ATP4A: variants seen among roughly 807,000 people sequenced by gnomAD.
The protein encoded by ATP4A is potassium-transporting ATPase alpha chain 1.
Under a neutral mutation model 112.1 loss-of-function variants are expected in ATP4A, and 73 were observed. The observed-to-expected ratio is 0.65, with a 90% confidence interval of 0.54 to 0.79. The LOEUF (loss-of-function observed/expected upper bound fraction) is 0.79. Ranked by LOEUF, ATP4A falls within the 30% of genes least tolerant of loss-of-function variation. ATP4A has a pLI of 0.00. For missense variants in ATP4A, 1,081 were observed against 1,425.9 expected, an observed-to-expected ratio of 0.76 and a Z score of 3.90; for synonymous variants, 588 against 588.9, an observed-to-expected ratio of 1.00 and a Z score of 0.02.
Position 35,558,212 on chromosome 19 carries a change from G to T in ATP4A, c.1500+150C>A. ...GCGGGGCCTTGCCTCTGGTGGACGG[G>T]GCCATAGGCGGAGCGGGAGATGGGG... On this transcript the variant is annotated intron_variant, in intron 10 of 21. Transcript: ENST00000262623. This position sits in a 1 kb window ranked among gnomAD's most constrained non-coding sequence, Gnocchi z 5.1. 9.3e-7 allele frequency: 1 copy of T among 1,074,972 alleles called. No homozygotes were observed. The highest frequency in any genetic ancestry group is 1.3e-6 in the Non-Finnish European group (1 of 768,294). The allele number at this position is 1,074,972 out of a possible 1,614,324, so 66.6% of individuals were successfully genotyped here. A position where few individuals can be genotyped will look rare whatever the true frequency, so the allele number is the denominator to read the frequency against.
Position 35,552,265 on chromosome 19 carries a change from G to A in ATP4A, c.2752-685C>T, listed in dbSNP as rs535309106. ...GGGATCACTGACTGCTCCAGGTGCCGAGTGTTGCACGTGCATTAGCTCATT... is the reference window on the plus strand; with the variant it reads ...GGGATCACTGACTGCTCCAGGTGCCAAGTGTTGCACGTGCATTAGCTCATT... On this transcript the variant is annotated intron_variant, in intron 18 of 21. Coordinates refer to ENST00000262623, the MANE Select transcript of ATP4A (RefSeq NM_000704.3). Among the ~76,000 whole-genome samples the A allele has an allele frequency of 3.5e-4, 53 of 152,276 alleles. 1 individual carries two copies. The South Asian group carries it at 9.7e-3, about 28-fold the overall frequency.
In ATP4A at chr19:35,562,432, C is replaced by T; in HGVS notation, c.420+3G>A. The stretch of plus-strand genomic sequence containing the variant: ...CTGAGCCTGTCCCCACAACATGGCT[C>T]ACATTGTCGTCGGTGGTGAGGTCCC... On this transcript the variant is annotated splice_donor_region_variant and intron_variant, in intron 4 of 21. Coordinates refer to ENST00000262623, the MANE Select transcript of ATP4A (RefSeq NM_000704.3). 3.7e-6 allele frequency: 6 copies of T among 1,613,008 alleles called. No homozygotes were observed. Among genetic ancestry groups the T allele is most frequent in the Non-Finnish European group, 5.1e-6 (6 of 1,179,412 alleles).
chr19:35,560,438 G>A lies in ATP4A; in HGVS notation c.712C>T (p.Arg238Cys), dbSNP rs764300130. The part of the protein sequence containing the change: ...SLTGESEPQT[R>C]SPECTHESPL... ...CTCTCGTGCGTGCACTCGGGTGAGCGGGTCTGTGGCTCAGACTCCCCTGTC... is the reference window on the plus strand; with the variant it reads ...CTCTCGTGCGTGCACTCGGGTGAGCAGGTCTGTGGCTCAGACTCCCCTGTC... The change falls in exon 6 of 22, where the codon CGC becomes TGC. Residue 238 changes from arginine to cysteine, a missense_variant. Arg to Cys is a radical substitution (Grantham distance 180). Coordinates refer to ENST00000262623, the MANE Select transcript of ATP4A (RefSeq NM_000704.3). This position sits in a 1 kb window ranked among gnomAD's most constrained non-coding sequence, Gnocchi z 5.1. 1.3e-5 allele frequency: 21 copies of A among 1,613,814 alleles called. No individual in the cohort carries two copies. The East Asian group carries it at 2.0e-4, about 15-fold the overall frequency.
Position 35,551,600 on chromosome 19 carries a change from G to A in ATP4A, c.2752-20C>T, listed in dbSNP as rs199506169. 1.7e-5 allele frequency: 27 copies of A among 1,607,442 alleles called. No homozygotes were observed. In the East Asian group the frequency reaches 2.9e-4, roughly 17 times the overall value. ...GAATGTCTGCAGGCCAGGGGCAAAC[G>A]GAAACAGCCTGAGTCCAGCCTGAGT... is the stretch of plus-strand genomic sequence containing the variant. On this transcript the variant is annotated intron_variant, in intron 18 of 21. Transcript: ENST00000262623. This position sits in a 1 kb window ranked among gnomAD's most constrained non-coding sequence, Gnocchi z 5.2.
rs755344734 is a variant in ATP4A at position 35,563,451 on chromosome 19, T to C, written c.89A>G (p.Lys30Arg). ...CTTGCCACCCCCGCCACCCGCCTTC[T>C]TCTTCTTGCTCATCTTGGCAGCCAT... ...GDMAAKMSKK[K>R]KAGGGGGKRK... The change falls in exon 2 of 22, where the codon AAG (lysine) becomes AGG (arginine). Residue 30 changes from lysine to arginine, a missense_variant. Physicochemically the swap from Lys to Arg is conservative, Grantham distance 26. This residue lies in a region of ATP4A where 850 missense variants were observed against 1,068.2 expected (regional missense o/e 0.80). Coordinates refer to ENST00000262623, the MANE Select transcript of ATP4A (RefSeq NM_000704.3). 2.5e-6 allele frequency: 4 copies of C among 1,612,684 alleles called. 1 individual carries two copies. In the Admixed American group the frequency reaches 6.7e-5, roughly 27 times the overall value.
chr19:35,554,765 C>T (rs1372011544), intron 16 of ATP4A, among the ~76,000 whole-genome samples, 157 bp downstream of exon 16: 1 of 152,170 alleles, frequency 6.6e-6, no homozygotes, highest in Non-Finnish European at 1.5e-5. Flanking sequence ...CACCTGCCTG[C>T]CACCCATGTG....
Position 35,550,650 on chromosome 19 carries a change from G to A in ATP4A, c.3080-7C>T. On this transcript the variant is annotated splice_polypyrimidine_tract_variant and splice_region_variant and intron_variant, in intron 21 of 21. Coordinates refer to ENST00000262623, the MANE Select transcript of ATP4A (RefSeq NM_000704.3). This position sits in a 1 kb window ranked among gnomAD's most constrained non-coding sequence, Gnocchi z 4.1. ...AGTTCCTGGTCCCACCAGCCTGGGA[G>A]AGAGAGGGAGAAAGGAGACTCAGTG... 6.2e-7 allele frequency: 1 copy of A among 1,613,890 alleles called. No homozygotes were observed. Among genetic ancestry groups the A allele is most frequent in the Non-Finnish European group, 8.5e-7 (1 of 1,179,858 alleles).
Position 35,553,132 on chromosome 19 carries a change from G to A in ATP4A, c.2656C>T (p.Gln886Ter). The A allele has an allele frequency of 6.2e-7, 1 of 1,609,772 alleles. No homozygotes were observed. The highest frequency in any genetic ancestry group is 1.1e-5 in the South Asian group (1 of 90,912). The change falls in exon 18 of 22, where the codon CAG becomes TAG. Residue 886 changes from glutamine to a stop codon, truncating the protein, a stop_gained. Transcript: ENST00000262623. LOFTEE classifies it high-confidence loss of function. ...CACAGCAGTGGGAACCAGCCCTCCT[G>A]GGCCATTGCCGTGAAGTAGTCAGTG... is the stretch of plus-strand genomic sequence containing the variant. ...GFTDYFTAMA[Q>*]EGWFPLLCVG...
At position 35,551,635 on chromosome 19, in the gene ATP4A, G is replaced by A; in HGVS notation, c.2752-55C>T. 6.3e-7 allele frequency: 1 copy of A among 1,578,900 alleles called. No homozygotes were observed. The stretch of plus-strand genomic sequence containing the variant: ...TGAGTCCAGCCTGAGTCCCGGCGGA[G>A]AGCCTCTGCAGCCCACCGGGCATAG... On this transcript the variant is annotated intron_variant, in intron 18 of 21. Coordinates refer to ENST00000262623, the MANE Select transcript of ATP4A (RefSeq NM_000704.3). This position sits in a 1 kb window ranked among gnomAD's most constrained non-coding sequence, Gnocchi z 5.2.
Position 35,560,387 on chromosome 19 carries a change from A to C in ATP4A, c.763T>G (p.Phe255Val). 2 of 1,613,954 alleles carry C rather than the reference A, an allele frequency of 1.2e-6. No homozygotes were observed. Among genetic ancestry groups the C allele is most frequent in the Non-Finnish European group, 1.7e-6 (2 of 1,180,002 alleles). Residue 255 changes from phenylalanine to valine, a missense_variant, in exon 6 of 22, where the codon TTC becomes GTC. This residue lies in a region of ATP4A where 850 missense variants were observed against 1,068.2 expected (regional missense o/e 0.80). Transcript: ENST00000262623. The surrounding 1 kb of genome is among the most constrained non-coding windows in gnomAD (Gnocchi z 5.1). Reference sequence around the variant, plus strand: ...CCCTCAAGGCACATGGTGGAGAAGAAGGCGATGTTGCGGGTCTCCAGAGGG... The same window carrying C: ...CCCTCAAGGCACATGGTGGAGAAGACGGCGATGTTGCGGGTCTCCAGAGGG... Reference protein sequence around the residue: ...ESPLETRNIAFFSTMCLEGTV... With the variant: ...ESPLETRNIAVFSTMCLEGTV...
At position 35,557,211 on chromosome 19, in the gene ATP4A, G is replaced by A; in HGVS notation, c.1694-123C>T. 1 of 1,104,812 alleles carries A rather than the reference G, an allele frequency of 9.1e-7. No homozygotes were observed. The highest frequency in any genetic ancestry group is 1.3e-6 in the Non-Finnish European group (1 of 768,936). 68.4% of individuals were successfully genotyped at this position (1,104,812 alleles called of 1,614,324 possible). A position where few individuals can be genotyped will look rare whatever the true frequency, so the allele number is the denominator to read the frequency against. On this transcript the variant is annotated intron_variant, in intron 11 of 21. Transcript: ENST00000262623. The surrounding 1 kb of genome is among the most constrained non-coding windows in gnomAD (Gnocchi z 4.4). ...ACCTATGGATGCCTGACCTTGTGCT[G>A]ACCCCTTCACTCACATTATCTGAAT...
rs2071596702 is a variant in ATP4A, at chr19:35,550,758, G to A, written c.3079+76C>T. On this transcript the variant is annotated intron_variant, in intron 21 of 21. Transcript: ENST00000262623. The surrounding 1 kb of genome is among the most constrained non-coding windows in gnomAD (Gnocchi z 4.1). ...AGGGTCAAGGGCTTAGAGGCCAAGT[G>A]TTGAGGATCAAAGGTGGGTGCAGCT... 1.2e-6 allele frequency: 2 copies of A among 1,608,084 alleles called. No individual in the cohort carries two copies. The highest frequency in any genetic ancestry group is 1.7e-6 in the Non-Finnish European group (2 of 1,174,674).
chr19:35,562,400 C>G lies in ATP4A; in HGVS notation c.420+35G>C, dbSNP rs541089266. 3.8e-6 allele frequency: 6 copies of G among 1,598,748 alleles called. No individual in the cohort carries two copies. The South Asian group carries it at 6.8e-5, about 18-fold the overall frequency. ...CTCAGTGTCTTCCATCCCCAGGTCCCCATGTCCTGAGCCTGTCCCCACAAC... is the reference window on the plus strand; with the variant it reads ...CTCAGTGTCTTCCATCCCCAGGTCCGCATGTCCTGAGCCTGTCCCCACAAC... On this transcript the variant is annotated intron_variant, in intron 4 of 21. Transcript: ENST00000262623.
Position 35,555,625 on chromosome 19 carries a change from C to T in ATP4A, c.2007-35G>A, listed in dbSNP as rs75318424. On this transcript the variant is annotated intron_variant, in intron 13 of 21. Coordinates refer to ENST00000262623, the MANE Select transcript of ATP4A (RefSeq NM_000704.3). The surrounding 1 kb of genome is among the most constrained non-coding windows in gnomAD (Gnocchi z 6.6). ...AGATGGGAGGACCTCGCTGGGACCT[C>T]GGTCTGTGCCAGATGTGGGGAGAAC... 1.1e-3 allele frequency: 1,668 copies of T among 1,579,236 alleles called. 16 individuals are homozygous for T. The African/African-American group carries it at 0.02, about 19-fold the overall frequency.
Position 35,551,420 on chromosome 19 carries a change from G to A in ATP4A, c.2885+27C>T. The A allele has an allele frequency of 6.2e-7, 1 of 1,613,712 alleles. No individual in the cohort carries two copies. Among genetic ancestry groups the A allele is most frequent in the Non-Finnish European group, 8.5e-7 (1 of 1,180,002 alleles). ...TGGGAGTTGGGACCAGGGGTTGGAG[G>A]GCAGGAAGAGGGCCAGCCAGGGACA... On this transcript the variant is annotated intron_variant, in intron 19 of 21. Coordinates refer to ENST00000262623, the MANE Select transcript of ATP4A (RefSeq NM_000704.3). The surrounding 1 kb of genome is among the most constrained non-coding windows in gnomAD (Gnocchi z 5.2).
intron 3 of ATP4A, among the ~76,000 whole-genome samples, chr19:35,562,933 G>C (rs2071680373): frequency 6.6e-6 from 1 of 150,554 alleles, no homozygotes; most frequent in Non-Finnish European, 1.5e-5. Context: ...CTCCGTCTCT[G>C]TGTGTCACCC....
chr19:35,559,167 G>T lies in ATP4A; in HGVS notation c.1081C>A (p.Arg361Ser). ...ACCACGCAGTTCTTACTGGCCAGGC[G>T]CTTGGCTGTCAGGGACAGGCAGACC... ...VTVCLSLTAK[R>S]LASKNCVVKN... The change falls in exon 8 of 22, where the codon CGC (arginine) becomes AGC (serine). Residue 361 changes from arginine (R) to serine (S), a missense_variant. Coordinates refer to ENST00000262623, the MANE Select transcript of ATP4A (RefSeq NM_000704.3). The surrounding 1 kb of genome is among the most constrained non-coding windows in gnomAD (Gnocchi z 4.1). 6.2e-7 allele frequency: 1 copy of T among 1,614,088 alleles called. No individual in the cohort carries two copies. The highest frequency in any genetic ancestry group is 8.5e-7 in the Non-Finnish European group (1 of 1,180,022).
rs572627521 is a variant in ATP4A, at chr19:35,557,857, G to C, written c.1501-10C>G. 8.8e-6 allele frequency: 13 copies of C among 1,476,826 alleles called. No homozygotes were observed. Among genetic ancestry groups the C allele is most frequent in the Admixed American group, 2.2e-5 (1 of 44,754 alleles). 91.5% of individuals were successfully genotyped at this position (1,476,826 alleles called of 1,614,324 possible). A position where few individuals can be genotyped will look rare whatever the true frequency, so the allele number is the denominator to read the frequency against. ...GCGTATGGATGGACAGCTGTGGGCG[G>C]GGGGGAGAGGCGAGGCTGTGGACGG... On this transcript the variant is annotated splice_polypyrimidine_tract_variant and intron_variant, in intron 10 of 21. Transcript: ENST00000262623. This position sits in a 1 kb window ranked among gnomAD's most constrained non-coding sequence, Gnocchi z 4.4.
chr19:35,560,076 G>T lies in ATP4A; in HGVS notation c.788-3C>A, dbSNP rs1455724919. 1.2e-6 allele frequency: 2 copies of T among 1,613,298 alleles called. No individual in the cohort carries two copies. Among genetic ancestry groups the T allele is most frequent in the Non-Finnish European group, 1.7e-6 (2 of 1,179,552 alleles). ...CACCACCAGGCCCTGCACGGTGCCT[G>T]CAGGGGGGCCAAGGCGCGACTCAGG... On this transcript the variant is annotated splice_polypyrimidine_tract_variant and splice_region_variant and intron_variant, in intron 6 of 21. Transcript: ENST00000262623. The surrounding 1 kb of genome is among the most constrained non-coding windows in gnomAD (Gnocchi z 5.1).
Sources: allele counts gnomAD v4.1 joint callset (sites outside exome capture counted in the v4.1 genomes callset), GRCh38; gene constraint gnomAD v4.1.1; regional missense constraint gnomAD v4.1.1; non-coding constraint Gnocchi (gnomAD v3.1); transcripts MANE v1.5; gene names NCBI Gene and HGNC (gene_info 2026-07-23, HGNC 2026-07-21).